The following TNFSF13B variants were observed in gnomAD, a reference collection of about 807,000 sequenced individuals.
TNFSF13B encodes TNF superfamily member 13b, also known as tumor necrosis factor ligand superfamily member 13B.
A neutral mutation model predicts 29.1 loss-of-function variants in TNFSF13B; 8 were observed. That is an observed-to-expected ratio of 0.27 (90% confidence interval 0.16 to 0.50). The LOEUF is 0.50. Ranked by LOEUF, TNFSF13B falls within the 20% of genes least tolerant of loss-of-function variation. The pLI is 0.98. For missense variants in TNFSF13B, 248 were observed against 334.9 expected (o/e 0.74, Z 2.03); for synonymous variants, 125 against 130.8 (o/e 0.96, Z 0.30).
chr13:108,275,287 T>G (rs1477916983), intron 2 of TNFSF13B, among the ~76,000 whole-genome samples: 1 of 152,084 alleles, frequency 6.6e-6, no homozygotes, highest in Non-Finnish European at 1.5e-5. Context: ...TAACTATAAT[T>G]TTATTAATTT....
intron 3 of TNFSF13B, among the ~76,000 whole-genome samples, chr13:108,295,558 AT>A (rs1190869581): frequency 7.0e-6 from 1 of 143,700 alleles, no homozygotes; most frequent in Non-Finnish European, 1.5e-5. Context: ...TCTGATCTTT[AT>A]TATTTTCTTC....
At chr13:108,272,414 A>T (rs979917913) in intron 2 of TNFSF13B, among the ~76,000 whole-genome samples, 9 of 152,086 alleles carry the variant, frequency 5.9e-5, no homozygotes, top group African/African-American at 2.2e-4. Context: ...TATTAAAGCT[A>T]AAAATACATT....
chr13:108,303,011 T>C (rs770725572), intron 3 of TNFSF13B: 114 of 485,420 alleles, frequency 2.3e-4, no homozygotes, highest in Non-Finnish European at 6.7e-5. Context: ...GACATTCATA[T>C]AAAGGGTTAG....
intron 2 of TNFSF13B, among the ~76,000 whole-genome samples, chr13:108,273,884 TG>T (rs989513796): frequency 7.4e-4 from 113 of 152,142 alleles, no homozygotes; most frequent in African/African-American, 2.6e-3. Context: ...AGGGTCCCCT[TG>T]TATGTGGATT....
chr13:108,270,210 T>G lies in TNFSF13B; in HGVS notation c.315T>G (p.Ala105=). 1 of 1,603,716 alleles carries G rather than the reference T, an allele frequency of 6.2e-7. No individual in the cohort carries two copies. The highest frequency in any genetic ancestry group is 1.7e-5 in the Admixed American group (1 of 59,780). Residue 105 remains alanine, a synonymous_variant, in exon 1 of 6, where the codon GCT becomes GCG. Coordinates refer to ENST00000375887, the MANE Select transcript of TNFSF13B (RefSeq NM_006573.5). ...AGAPKAGLEE[A]PAVTAGLKIF... Reference sequence around the variant, plus strand: ...CCCCCAAGGCCGGCCTGGAGGAAGCTCCAGCTGTCACCGCGGGACTGAAAG... The same window carrying G: ...CCCCCAAGGCCGGCCTGGAGGAAGCGCCAGCTGTCACCGCGGGACTGAAAG...
chr13:108,280,069 C>CTTTTTTTTTTTT (rs35086854), intron 2 of TNFSF13B, among the ~76,000 whole-genome samples: 1 of 120,028 alleles, frequency 8.3e-6, no homozygotes, highest in Admixed American at 8.4e-5. Flanking sequence ...ATGGCGTCTG[C>CTTTTTTTTTTTT]TTTTTTTTTT....
intron 2 of TNFSF13B, 107 bp from the exon 3 acceptor site, chr13:108,286,696 G>T: frequency 1.7e-6 from 1 of 596,030 alleles, no homozygotes; most frequent in African/African-American, 1.9e-5. Context: ...AATGTAAAAA[G>T]TATAATTGAT....
intron 2 of TNFSF13B, among the ~76,000 whole-genome samples, chr13:108,270,715 G>A (rs1163138457): frequency 2.0e-5 from 3 of 152,126 alleles, no homozygotes; most frequent in African/African-American, 7.2e-5. Flanking sequence ...AGGGCCATAT[G>A]TGTTTCCTCA....
chr13:108,295,278 G>T lies in TNFSF13B; in HGVS notation c.482-7975G>T, dbSNP rs529718630. On this transcript the variant is annotated intron_variant, in intron 3 of 5. Coordinates refer to ENST00000375887, the MANE Select transcript of TNFSF13B (RefSeq NM_006573.5). ...CAACCTTTGCCTCCCAGGTTCAGGC[G>T]ATTCTCCTGCCTCAGCCTCCCAAGT... is the stretch of plus-strand genomic sequence containing the variant. Among the ~76,000 whole-genome samples, 11 of 145,258 alleles carry T rather than the reference G, an allele frequency of 7.6e-5. No individual in the cohort carries two copies. The South Asian group carries it at 2.4e-3, about 31-fold the overall frequency.
intron 3 of TNFSF13B, among the ~76,000 whole-genome samples, chr13:108,298,729 C>A (rs187018871): frequency 0.011 from 1,638 of 145,646 alleles, 224 homozygotes; most frequent in Admixed American, 0.1. Context: ...GTAATCCCAG[C>A]ACTTTGGGAG....
intron 2 of TNFSF13B, among the ~76,000 whole-genome samples, chr13:108,279,216 T>G (rs1880861667): frequency 6.6e-6 from 1 of 152,224 alleles, no homozygotes; most frequent in African/African-American, 2.4e-5. Flanking sequence ...TTTTTAAGTC[T>G]GCTGTAAATC....
chr13:108,279,177 A>C (rs1880860515), intron 2 of TNFSF13B, among the ~76,000 whole-genome samples: 1 of 152,296 alleles, frequency 6.6e-6, no homozygotes, highest in Admixed American at 6.5e-5. Flanking sequence ...TTTTATGTAA[A>C]TTGTTTCATA....
chr13:108,269,706 C>T, upstream of TNFSF13B: 1 of 558,946 alleles, frequency 1.8e-6, no homozygotes, highest in Non-Finnish European at 3.1e-6. Context: ...GCCAGCAAAC[C>T]TACTGTACAG....
Position 108,294,608 on chromosome 13 carries a change from T to C in TNFSF13B, c.481+7749T>C, listed in dbSNP as rs572258590. ...GCAGTGGTAAATGCAGGCATAGTCT[T>C]GTTTCTGATGTTAGGATAATCTTGA... is the stretch of plus-strand genomic sequence containing the variant. On this transcript the variant is annotated intron_variant, in intron 3 of 5. Coordinates refer to ENST00000375887, the MANE Select transcript of TNFSF13B (RefSeq NM_006573.5). Among the ~76,000 whole-genome samples, 4 of 152,310 alleles carry C rather than the reference T, an allele frequency of 2.6e-5. No individual in the cohort carries two copies. The East Asian group carries it at 7.7e-4, about 29-fold the overall frequency.
At chr13:108,286,709 A>T in intron 2 of TNFSF13B, 94 bp from the exon 3 acceptor site, 1 of 682,108 alleles carries the variant, frequency 1.5e-6, no homozygotes. Flanking sequence ...TAATTGATTT[A>T]GTGTTTCTGG....
chr13:108,276,967 G>T (rs1202792402), intron 2 of TNFSF13B, among the ~76,000 whole-genome samples: 1 of 151,974 alleles, frequency 6.6e-6, no homozygotes, highest in Admixed American at 6.5e-5. Context: ...TTTTTTAAAA[G>T]ACATTCCCAT....
chr13:108,279,131 G>T (rs1003379251), intron 2 of TNFSF13B, among the ~76,000 whole-genome samples: 1 of 152,116 alleles, frequency 6.6e-6, no homozygotes, highest in Non-Finnish European at 1.5e-5. Context: ...TTAGTGACTG[G>T]TTTTTAAGAA....
intron 2 of TNFSF13B, among the ~76,000 whole-genome samples, chr13:108,278,598 T>C (rs74396794): frequency 8.1e-3 from 2 of 246 alleles, no homozygotes; most frequent in Non-Finnish European, 7.4e-3. Context: ...TCCCCTTCTC[T>C]TCCTCCTCCT....
In TNFSF13B at chr13:108,269,990, C is replaced by G; in HGVS notation, c.95C>G (p.Pro32Arg). The change falls in exon 1 of 6, where the codon CCA becomes CGA. Residue 32 changes from proline to arginine, a missense_variant. Coordinates refer to ENST00000375887, the MANE Select transcript of TNFSF13B (RefSeq NM_006573.5). ...MKLKECVSIL[P>R]RKESPSVRSS... is the part of the protein sequence containing the mutation. ...CTGAAGGAGTGTGTTTCCATCCTCC[C>G]ACGGAAGGAAAGCCCCTCTGTCCGA... 1 of 1,613,526 alleles carries G rather than the reference C, an allele frequency of 6.2e-7. No homozygotes were observed. The highest frequency in any genetic ancestry group is 8.5e-7 in the Non-Finnish European group (1 of 1,179,974).
Sources: allele counts gnomAD v4.1 joint callset (sites outside exome capture counted in the v4.1 genomes callset), GRCh38; gene constraint gnomAD v4.1.1; transcripts MANE v1.5; gene names NCBI Gene and HGNC (gene_info 2026-07-23, HGNC 2026-07-21).